Variants in FGF12 observed in about 807,000 individuals in gnomAD.
FGF12 encodes fibroblast growth factor 12, also known as fibroblast growth factor 12B.
A neutral mutation model predicts 23.6 loss-of-function variants in FGF12; 14 were observed. The ratio of observed to expected loss-of-function variants is 0.59; its 90% confidence interval spans 0.39 to 0.93. The LOEUF is 0.93. Ranked by LOEUF, FGF12 falls within the 40% of genes least tolerant of loss-of-function variation. The pLI is 0.00. For synonymous variants in FGF12, 62 were observed against 77.3 expected (o/e 0.80, Z 1.04); for missense variants, 175 against 217.8 (o/e 0.80, Z 1.24).
chr3:192,568,651 AGT>A (rs1037223785), intron 2 of FGF12, among the ~76,000 whole-genome samples: 14 of 152,090 alleles, frequency 9.2e-5, no homozygotes, highest in Non-Finnish European at 1.9e-4. Context: ...TAGTTTTGAG[AGT>A]GTTTTTGTTA....
At chr3:192,171,400 T>G (rs758371426) in intron 4 of FGF12, among the ~76,000 whole-genome samples, 19 of 152,176 alleles carry the variant, frequency 1.2e-4, no homozygotes, top group Non-Finnish European at 2.5e-4. Context: ...GTCACGTGAT[T>G]AATTCAAATA....
At chr3:192,211,488 C>T (rs551053326) in intron 4 of FGF12, among the ~76,000 whole-genome samples, 19,652 of 152,050 alleles carry the variant, frequency 0.13, 1,413 homozygotes, top group African/African-American at 0.2. Context: ...TGCAGCGGCG[C>T]AATCTCGGCT....
chr3:192,384,364 A>G (rs1719952273), intron 2 of FGF12, among the ~76,000 whole-genome samples: 1 of 152,242 alleles, frequency 6.6e-6, no homozygotes, highest in Non-Finnish European at 1.5e-5. Flanking sequence ...TAAGCATATT[A>G]AATTGAAAAC....
At chr3:192,259,895 T>C (rs1712639212) in intron 4 of FGF12, among the ~76,000 whole-genome samples, 1 of 152,140 alleles carries the variant, frequency 6.6e-6, no homozygotes, top group Non-Finnish European at 1.5e-5. Context: ...CCAGAATTCT[T>C]AATAGCTGAT....
chr3:192,378,080 T>TTCTTTCTTTCTGTCTG, intron 2 of FGF12, among the ~76,000 whole-genome samples: 1 of 105,858 alleles, frequency 9.4e-6, no homozygotes, highest in East Asian at 3.1e-4. Context: ...CTTTCTTTCT[T>TTCTTTCTTTCTGTCTG]TCTTTCTTTC....
intron 2 of FGF12, among the ~76,000 whole-genome samples, chr3:192,522,420 G>A (rs556058384): frequency 1.1e-4 from 17 of 152,206 alleles, no homozygotes; most frequent in African/African-American, 4.1e-4. Flanking sequence ...TATTAATACC[G>A]TATAAGATTT....
At chr3:192,501,864 T>C (rs1724142758) in intron 2 of FGF12, among the ~76,000 whole-genome samples, 1 of 152,226 alleles carries the variant, frequency 6.6e-6, no homozygotes, top group Non-Finnish European at 1.5e-5. Context: ...TCTTTTAAAA[T>C]AGGGTTCATG....
intron 4 of FGF12, among the ~76,000 whole-genome samples, chr3:192,289,328 T>C (rs1714631308): frequency 6.6e-6 from 1 of 152,114 alleles, no homozygotes; most frequent in Non-Finnish European, 1.5e-5. Flanking sequence ...GCTAAATACA[T>C]CAATAATTTC....
intron 4 of FGF12, among the ~76,000 whole-genome samples, chr3:192,214,775 A>G (rs1046406643): frequency 6.6e-6 from 1 of 152,290 alleles, no homozygotes; most frequent in Non-Finnish European, 1.5e-5. Flanking sequence ...TAAATAGCAC[A>G]CACATCTTTG....
chr3:192,355,892 G>T (rs146838474), intron 3 of FGF12, among the ~76,000 whole-genome samples: 131 of 152,206 alleles, frequency 8.6e-4, no homozygotes, highest in Non-Finnish European at 1.8e-3. Context: ...TGATTACAGG[G>T]TCTTGCTTTT....
rs918567075 is a variant in FGF12 at position 192,143,463 on chromosome 3, G to A, written c.*546C>T. The A allele has an allele frequency of 4.6e-5, 7 of 152,060 alleles. No homozygotes were observed. The highest frequency in any genetic ancestry group is 1.0e-4 in the Non-Finnish European group (7 of 68,050). 9.4% of individuals were successfully genotyped at this position (152,060 alleles called of 1,614,324 possible). A position where few individuals can be genotyped will look rare whatever the true frequency, so the allele number is the denominator to read the frequency against. ...TATATATTTTATAGGTATTAACATA[G>A]TTTATAATTTGGAAATGTTCAATTT... On this transcript the variant is annotated 3_prime_UTR_variant, in exon 6 of 6. Coordinates refer to ENST00000445105, the MANE Select transcript of FGF12 (RefSeq NM_004113.6).
intron 2 of FGF12, among the ~76,000 whole-genome samples, chr3:192,679,299 A>G (rs148179638): frequency 6.6e-6 from 1 of 152,314 alleles, no homozygotes; most frequent in Non-Finnish European, 1.5e-5. Flanking sequence ...CTCCAACTTC[A>G]GATCACAAAG....
rs78406559 is a variant in FGF12, at chr3:192,297,214, A to T, written c.228+38147T>A. Among the ~76,000 whole-genome samples the T allele has an allele frequency of 7.4e-3, 1,122 of 152,316 alleles. 16 individuals are homozygous for T. The highest frequency in any genetic ancestry group is 0.025 in the African/African-American group (1,053 of 41,580). On this transcript the variant is annotated intron_variant, in intron 4 of 5. Coordinates refer to ENST00000445105, the MANE Select transcript of FGF12 (RefSeq NM_004113.6). Reference sequence around the variant, plus strand: ...CCACGATTTGCGTCATAGCCCACAAACAAGACCGATTCATTCACTTTTCTG... The same window carrying T: ...CCACGATTTGCGTCATAGCCCACAATCAAGACCGATTCATTCACTTTTCTG...
intron 2 of FGF12, among the ~76,000 whole-genome samples, chr3:192,452,922 C>T (rs1296820434): frequency 2.6e-5 from 4 of 152,170 alleles, no homozygotes; most frequent in Non-Finnish European, 4.4e-5. Context: ...TATATACATG[C>T]ATATTTTTTA....
intron 2 of FGF12, among the ~76,000 whole-genome samples, chr3:192,694,740 C>A (rs1423275875): frequency 6.6e-6 from 1 of 151,820 alleles, no homozygotes; most frequent in Non-Finnish European, 1.5e-5. Context: ...CATGGATGAA[C>A]CTGGAGAACA....
chr3:192,577,993 A>G, intron 2 of FGF12, among the ~76,000 whole-genome samples: 1 of 152,226 alleles, frequency 6.6e-6, no homozygotes, highest in Non-Finnish European at 1.5e-5. Context: ...GCAGGGAGAT[A>G]GCAAGGTCTA....
At chr3:192,723,846 A>AGT (rs142888284) in intron 2 of FGF12, among the ~76,000 whole-genome samples, 41 of 128,568 alleles carry the variant, frequency 3.2e-4, no homozygotes, top group South Asian at 1.2e-3. Flanking sequence ...GGGAGGTGAG[A>AGT]GTGTGTGTGT....
chr3:192,501,150 G>T (rs1724122899), intron 2 of FGF12, among the ~76,000 whole-genome samples: 1 of 152,094 alleles, frequency 6.6e-6, no homozygotes, highest in Admixed American at 6.6e-5. Flanking sequence ...TATATGTTAA[G>T]AATGTAAACA....
At chr3:192,529,559 C>A (rs1235398302) in intron 2 of FGF12, among the ~76,000 whole-genome samples, 3 of 152,164 alleles carry the variant, frequency 2.0e-5, no homozygotes, top group Non-Finnish European at 4.4e-5. Context: ...CAGCAGCACC[C>A]CACTCTACTG....
Sources: allele counts gnomAD v4.1 joint callset (sites outside exome capture counted in the v4.1 genomes callset), GRCh38; gene constraint gnomAD v4.1.1; transcripts MANE v1.5; gene names NCBI Gene and HGNC (gene_info 2026-07-23, HGNC 2026-07-21).